The following AGBL1 variants were observed in gnomAD, a reference collection of about 807,000 sequenced individuals.
AGBL1 encodes the protein AGBL carboxypeptidase 1.
Under a neutral mutation model 118.9 loss-of-function variants are expected in AGBL1, and 130 were observed. That is an observed-to-expected ratio of 1.09 (90% CI 0.95 to 1.26). The LOEUF (loss-of-function observed/expected upper bound fraction) is 1.26. Ranked by LOEUF, AGBL1 falls within the 50% of genes most tolerant of loss-of-function variation. AGBL1 has a pLI of 0.00. For synonymous variants in AGBL1, 555 were observed against 478.9 expected, an observed-to-expected ratio of 1.16 and a Z score of -2.08; for missense variants, 1,584 against 1,298.1, an observed-to-expected ratio of 1.22 and a Z score of -3.38.
In AGBL1 at chr15:86,393,394, C is replaced by A. The variant is rs572580813; in HGVS notation, c.2375-3972C>A. ...CAAGAGCTTAAGCCATTTTTTATTT[C>A]TTCTTGCTGGGCTGAAAGCACTTAC... is the stretch of plus-strand genomic sequence containing the variant. On this transcript the variant is annotated intron_variant, in intron 17 of 22. Transcript: ENST00000614907. Among the ~76,000 whole-genome samples the A allele has an allele frequency of 4.6e-5, 7 of 152,278 alleles. No homozygotes were observed. The South Asian group carries it at 1.4e-3, about 32-fold the overall frequency.
At position 86,782,350 on chromosome 15, in the gene AGBL1, C is replaced by A. The variant is rs146657968; in HGVS notation, c.3158+107914C>A. ...ATGCTACCTGGTAGATATTATCTCC[C>A]ATTCCAAGATATATATTATTCCCTT... On this transcript the variant is annotated intron_variant, in intron 22 of 22. Coordinates refer to ENST00000614907, the MANE Select transcript of AGBL1 (RefSeq NM_001386094.1). Among the ~76,000 whole-genome samples, 393 of 152,200 alleles carry A rather than the reference C, an allele frequency of 2.6e-3. 2 individuals are homozygous for A. Among genetic ancestry groups the A allele is most frequent in the African/African-American group, 8.9e-3 (370 of 41,554 alleles).
chr15:86,883,313 G>A (rs1267975495), intron 22 of AGBL1, among the ~76,000 whole-genome samples: 1 of 152,150 alleles, frequency 6.6e-6, no homozygotes, highest in Non-Finnish European at 1.5e-5. Context: ...CAGCTCCTCA[G>A]CTTCAGGCCT....
In AGBL1 at chr15:86,956,881, T is replaced by C. The variant is rs141634989; in HGVS notation, c.3222-31106T>C. Among the ~76,000 whole-genome samples the C allele has an allele frequency of 2.8e-4, 42 of 152,250 alleles. No individual in the cohort carries two copies. In the East Asian group the frequency reaches 8.1e-3, roughly 29 times the overall value. On this transcript the variant is annotated intron_variant, in intron 23 of 24. Transcript: ENST00000441037. ...AATGGAATAACAATTAATATTTACA[T>C]AAGTTAAACATGCAGCATATAACAC...
chr15:86,703,088 G>A (rs561644134), intron 22 of AGBL1, among the ~76,000 whole-genome samples: 1 of 152,258 alleles, frequency 6.6e-6, no homozygotes, highest in East Asian at 1.9e-4. Context: ...TAATTTTAAG[G>A]AGCAACACTG....
chr15:86,644,046 TAAAA>T (rs540823493), intron 21 of AGBL1, among the ~76,000 whole-genome samples: 169 of 152,236 alleles, frequency 1.1e-3, no homozygotes, highest in African/African-American at 4.0e-3. Flanking sequence ...TTTGGAGACT[TAAAA>T]AAATTTAACG....
chr15:86,455,055 A>G (rs2082243006), intron 18 of AGBL1, among the ~76,000 whole-genome samples: 1 of 152,184 alleles, frequency 6.6e-6, no homozygotes, highest in Non-Finnish European at 1.5e-5. Flanking sequence ...AGGAAATTTC[A>G]TTAAATTATT....
intron 21 of AGBL1, among the ~76,000 whole-genome samples, chr15:86,577,248 C>T (rs1269512689): frequency 6.6e-6 from 1 of 152,114 alleles, no homozygotes; most frequent in African/African-American, 2.4e-5. Context: ...AAAAGTGACT[C>T]TTGTTATGTT....
intron 18 of AGBL1, among the ~76,000 whole-genome samples, chr15:86,485,270 G>C (rs1000695862): frequency 1.3e-5 from 2 of 152,118 alleles, no homozygotes; most frequent in African/African-American, 4.8e-5. Flanking sequence ...AATCTTCAGT[G>C]ATCTTCGTGC....
intron 22 of AGBL1, among the ~76,000 whole-genome samples, chr15:86,803,806 G>C (rs2078682503): frequency 6.6e-6 from 1 of 152,100 alleles, no homozygotes; most frequent in Non-Finnish European, 1.5e-5. Flanking sequence ...GGAACATTTT[G>C]GGTTGTCACA....
intron 23 of AGBL1, among the ~76,000 whole-genome samples, chr15:86,921,397 G>GA (rs745765055): frequency 4.6e-5 from 7 of 152,044 alleles, no homozygotes; most frequent in East Asian, 3.9e-4. Context: ...CCAAGTTTCT[G>GA]AAAAAACAAC....
chr15:86,881,037 T>A (rs1445044486), intron 22 of AGBL1, among the ~76,000 whole-genome samples: 1 of 152,160 alleles, frequency 6.6e-6, no homozygotes, highest in Non-Finnish European at 1.5e-5. Flanking sequence ...GCGGTGGAAC[T>A]GCACCCCACA....
chr15:86,132,338 A>C (rs553157386), intron 1 of AGBL1, among the ~76,000 whole-genome samples: 11 of 152,160 alleles, frequency 7.2e-5, no homozygotes, highest in African/African-American at 2.6e-4. Context: ...TATGTTTTGG[A>C]GGTGGTGGAT....
chr15:86,394,928 T>G (rs1285282517), intron 17 of AGBL1, among the ~76,000 whole-genome samples: 1 of 152,148 alleles, frequency 6.6e-6, no homozygotes, highest in Non-Finnish European at 1.5e-5. Context: ...TATTTTAATA[T>G]GGACAAATTC....
At chr15:86,308,539 G>C (rs2079874738) in intron 17 of AGBL1, among the ~76,000 whole-genome samples, 1 of 152,200 alleles carries the variant, frequency 6.6e-6, no homozygotes, top group South Asian at 2.1e-4. Flanking sequence ...ATTTCTTCTA[G>C]GTATTTTATG....
At chr15:86,952,625 C>T (rs749625875) in intron 23 of AGBL1, among the ~76,000 whole-genome samples, 53 of 152,156 alleles carry the variant, frequency 3.5e-4, no homozygotes, top group Non-Finnish European at 6.2e-4. Context: ...TTTCTCCCAT[C>T]CTGTAGGTTA....
downstream of AGBL1, among the ~76,000 whole-genome samples, chr15:86,920,576 A>G (rs1283110314): frequency 6.6e-6 from 1 of 152,200 alleles, no homozygotes; most frequent in Middle Eastern, 3.2e-3. Flanking sequence ...GCTTACCACA[A>G]ACAGTAATAT....
chr15:86,850,250 T>A (rs2141456673), intron 22 of AGBL1, among the ~76,000 whole-genome samples: 1 of 152,100 alleles, frequency 6.6e-6, no homozygotes, highest in African/African-American at 2.4e-5. Flanking sequence ...CTTGCTGCCT[T>A]AGGCTATGGA....
chr15:86,146,657 T>C (rs1335572518), intron 3 of AGBL1, among the ~76,000 whole-genome samples: 1 of 152,226 alleles, frequency 6.6e-6, no homozygotes, highest in Non-Finnish European at 1.5e-5. Flanking sequence ...ACCTTGATAT[T>C]ACTATTGTAG....
chr15:86,687,365 C>G (rs551795805), intron 22 of AGBL1, among the ~76,000 whole-genome samples: 1 of 152,174 alleles, frequency 6.6e-6, no homozygotes, highest in South Asian at 2.1e-4. Flanking sequence ...CTGGCTGAGG[C>G]TTGCCTGAAA....
Sources: gnomAD v4.1 joint callset for allele counts (sites outside exome capture counted in the v4.1 genomes callset) on GRCh38, gnomAD v4.1.1 for gene constraint, MANE v1.5 for transcripts, NCBI Gene and HGNC (gene_info 2026-07-23, HGNC 2026-07-21) for gene names.